The following IQCH variants were observed in gnomAD, a reference collection of about 807,000 sequenced individuals.
IQCH encodes the protein IQ domain-containing protein H.
IQCH carries 98 observed loss-of-function variants against 117.0 expected under a neutral mutation model. The ratio of observed to expected loss-of-function variants is 0.84; its 90% CI spans 0.71 to 0.99. The LOEUF (loss-of-function observed/expected upper bound fraction) is 0.99, where lower values mean the gene tolerates loss of function less well. Among genes scored for constraint, IQCH ranks in the 50% least tolerant of loss-of-function variants. The probability of loss-of-function intolerance (pLI) is 0.00; values close to 1 mark genes in which losing one functional copy is unlikely to be tolerated. For synonymous variants in IQCH, 412 were observed against 448.2 expected (o/e 0.92, Z 1.02); for missense variants, 1,102 against 1,243.8 (o/e 0.89, Z 1.72).
intron 13 of IQCH, among the ~76,000 whole-genome samples, chr15:67,399,273 A>G (rs1024199694): frequency 5.3e-5 from 8 of 152,234 alleles, no homozygotes; most frequent in Non-Finnish European, 1.0e-4. Context: ...AAAGAAAACT[A>G]GTAATTGTGT....
At position 67,431,689 on chromosome 15, in the gene IQCH, T is replaced by C. The variant is rs1259470750; in HGVS notation, c.2505+10112T>C. 6.6e-6 allele frequency among the ~76,000 whole-genome samples: 1 copy of C among 152,178 alleles called. No individual in the cohort carries two copies. The highest frequency in any genetic ancestry group is 2.4e-5 in the African/African-American group (1 of 41,434). ...TATTTCACAGGAAATTGAATAGATA[T>C]AAGGTTCATTAATTATCATAGAATT... On this transcript the variant is annotated intron_variant, in intron 16 of 20. Transcript: ENST00000335894. This position sits in a 1 kb window ranked among gnomAD's most constrained non-coding sequence, Gnocchi z 4.8.
Position 67,479,695 on chromosome 15 carries a change from C to A in IQCH, c.2799+3877C>A, listed in dbSNP as rs2083295600. ...TTTACCTAAATTCCAGAGTAACCTG[C>A]TCCCACTCTTGGTTGAATTTAACAT... On this transcript the variant is annotated intron_variant, in intron 18 of 20. Transcript: ENST00000335894. This position sits in a 1 kb window ranked among gnomAD's most constrained non-coding sequence, Gnocchi z 4.6. Among the ~76,000 whole-genome samples, 1 of 152,206 alleles carries A rather than the reference C, an allele frequency of 6.6e-6. No individual in the cohort carries two copies. Among genetic ancestry groups the A allele is most frequent in the Admixed American group, 6.5e-5 (1 of 15,276 alleles).
In IQCH at chr15:67,481,468, G is replaced by C. The variant is rs1046393061; in HGVS notation, c.2799+5650G>C. Among the ~76,000 whole-genome samples the C allele has an allele frequency of 6.6e-6, 1 of 152,176 alleles. No individual in the cohort carries two copies. Among genetic ancestry groups the C allele is most frequent in the Non-Finnish European group, 1.5e-5 (1 of 68,036 alleles). On this transcript the variant is annotated intron_variant, in intron 18 of 20. Coordinates refer to ENST00000335894, the MANE Select transcript of IQCH (RefSeq NM_001031715.3). This position sits in a 1 kb window ranked among gnomAD's most constrained non-coding sequence, Gnocchi z 4.1. ...TAAGGGTAACCACCCCCATGGTTCA[G>C]TTACCTCCCACTGCGTTCCTCCCAT...
chr15:67,375,430 T>A (rs552144850), intron 10 of IQCH, among the ~76,000 whole-genome samples: 2 of 152,104 alleles, frequency 1.3e-5, no homozygotes, highest in East Asian at 3.9e-4. Flanking sequence ...TCTAAAAAAA[T>A]TAATAAAATA....
chr15:67,300,041 A>G (rs1051502532), intron 4 of IQCH, among the ~76,000 whole-genome samples: 4 of 152,174 alleles, frequency 2.6e-5, no homozygotes, highest in South Asian at 2.1e-4. Flanking sequence ...TTATATTTCT[A>G]TCATTCCTTT....
chr15:67,471,279 T>C (rs1226815936), intron 17 of IQCH, among the ~76,000 whole-genome samples: 1 of 96,102 alleles, frequency 1.0e-5, no homozygotes, highest in Non-Finnish European at 2.2e-5. Context: ...TTAATTTCAA[T>C]AGATATTTCC....
rs1969908073 is a variant in IQCH, at chr15:67,356,884, A to C, written c.638-461A>C. Among the ~76,000 whole-genome samples the C allele has an allele frequency of 6.6e-6, 1 of 152,174 alleles. No homozygotes were observed. Among genetic ancestry groups the C allele is most frequent in the African/African-American group, 2.4e-5 (1 of 41,436 alleles). ...AAAAATAATCTTTATGGTGCTTTTCACTTGTGTCACTTCCCTCAGTCATTT... is the reference window on the plus strand; with the variant it reads ...AAAAATAATCTTTATGGTGCTTTTCCCTTGTGTCACTTCCCTCAGTCATTT... On this transcript the variant is annotated intron_variant, in intron 6 of 20. Transcript: ENST00000335894. This position sits in a 1 kb window ranked among gnomAD's most constrained non-coding sequence, Gnocchi z 5.3.
In IQCH at chr15:67,356,265, T is replaced by C. The variant is rs1316337533; in HGVS notation, c.638-1080T>C. 6.6e-6 allele frequency among the ~76,000 whole-genome samples: 1 copy of C among 152,078 alleles called. No homozygotes were observed. Among genetic ancestry groups the C allele is most frequent in the Non-Finnish European group, 1.5e-5 (1 of 68,024 alleles). On this transcript the variant is annotated intron_variant, in intron 6 of 20. Transcript: ENST00000335894. The surrounding 1 kb of genome is among the most constrained non-coding windows in gnomAD (Gnocchi z 5.3). The stretch of plus-strand genomic sequence containing the variant: ...TCATACACTACTGGCCAGGGGATAG[T>C]GAGGACTACAAGTCACAGGGAAGCT...
chr15:67,413,639 ATAAAT>A lies in IQCH; in HGVS notation c.2098-3287_2098-3283del, dbSNP rs2081504431. The A allele has an allele frequency of 6.6e-6, 1 of 152,314 alleles. No individual in the cohort carries two copies. Among genetic ancestry groups the A allele is most frequent in the Admixed American group, 6.5e-5 (1 of 15,298 alleles). The allele number at this position is 152,314 out of a possible 1,614,324, so 9.4% of individuals were successfully genotyped here. On this transcript the variant is annotated intron_variant, in intron 14 of 20. Transcript: ENST00000335894. This position sits in a 1 kb window ranked among gnomAD's most constrained non-coding sequence, Gnocchi z 5.0. ...CATCAGACACTTTCAAAATAAAGAA[ATAAAT>A]TAAACAGTTAATACCCCTCTCCTCT...
chr15:67,442,869 C>T (rs199903640), intron 16 of IQCH, among the ~76,000 whole-genome samples: 3,083 of 129,972 alleles, frequency 0.024, 48 homozygotes, highest in East Asian at 0.047. Context: ...GATAGATATA[C>T]ATATATATAT....
chr15:67,366,043 A>C lies in IQCH; in HGVS notation c.754-6068A>C, dbSNP rs1423221620. Among the ~76,000 whole-genome samples, 2 of 152,228 alleles carry C rather than the reference A, an allele frequency of 1.3e-5. No homozygotes were observed. The highest frequency in any genetic ancestry group is 4.8e-5 in the African/African-American group (2 of 41,466). On this transcript the variant is annotated intron_variant, in intron 8 of 20. Transcript: ENST00000335894. This position sits in a 1 kb window ranked among gnomAD's most constrained non-coding sequence, Gnocchi z 4.4. Reference sequence around the variant, plus strand: ...GGATCAAGGAACGTACTAGATCCACATTTTTCTCAGGAAACATGGAATGTC... The same window carrying C: ...GGATCAAGGAACGTACTAGATCCACCTTTTTCTCAGGAAACATGGAATGTC...
In IQCH at chr15:67,465,225, C is replaced by G. The variant is rs747743388; in HGVS notation, c.2604C>G (p.Ser868Arg). 6.2e-7 allele frequency: 1 copy of G among 1,614,116 alleles called. No individual in the cohort carries two copies. The highest frequency in any genetic ancestry group is 2.2e-5 in the East Asian group (1 of 44,878). Residue 868 changes from serine to arginine, a missense_variant, in exon 17 of 21, where the codon AGC becomes AGG. Physicochemically the swap from Ser to Arg is moderately radical, Grantham distance 110 (BLOSUM62 -1). This residue lies in a region of IQCH where 650 missense variants were observed against 794.3 expected (regional missense o/e 0.82). Coordinates refer to ENST00000335894, the MANE Select transcript of IQCH (RefSeq NM_001031715.3). The surrounding 1 kb of genome is among the most constrained non-coding windows in gnomAD (Gnocchi z 5.9). ...ACGGCCATCTGGATTGCAGTTTGAG[C>G]ACCCTGGAAGTGCCCCGCTTTGTTC... ...LTNGHLDCSL[S>R]TLEVPRFVPK...
Position 67,407,443 on chromosome 15 carries a change from A to G in IQCH, c.2097+7138A>G, listed in dbSNP as rs1388943022. 6.6e-6 allele frequency: 1 copy of G among 152,164 alleles called. No homozygotes were observed. The highest frequency in any genetic ancestry group is 2.4e-5 in the African/African-American group (1 of 41,426). The allele number at this position is 152,164 out of a possible 1,614,324, so 9.4% of individuals were successfully genotyped here. ...TTCTTCCAGTTCAGTGGTTATTTTCATGAAGCTGCCAGGGTTGAGTTTGAG... is the reference window on the plus strand; with the variant it reads ...TTCTTCCAGTTCAGTGGTTATTTTCGTGAAGCTGCCAGGGTTGAGTTTGAG... On this transcript the variant is annotated intron_variant, in intron 14 of 20. Transcript: ENST00000335894. The surrounding 1 kb of genome is among the most constrained non-coding windows in gnomAD (Gnocchi z 5.3).
chr15:67,355,199 GTTAAAA>G (rs934754064), intron 6 of IQCH, among the ~76,000 whole-genome samples: 77 of 152,242 alleles, frequency 5.1e-4, no homozygotes, highest in African/African-American at 1.8e-3. Flanking sequence ...TTTATCTTAA[GTTAAAA>G]TTTAACTGCA....
At chr15:67,312,099 T>C (rs1211063052) in intron 4 of IQCH, among the ~76,000 whole-genome samples, 2 of 152,164 alleles carry the variant, frequency 1.3e-5, no homozygotes, top group Non-Finnish European at 2.9e-5. Flanking sequence ...TACTGAGAGA[T>C]AGTGTTTCTA....
At chr15:67,477,393 G>C (rs1351036816) in intron 18 of IQCH, among the ~76,000 whole-genome samples, 1 of 152,062 alleles carries the variant, frequency 6.6e-6, no homozygotes, top group Non-Finnish European at 1.5e-5. Flanking sequence ...TCAGCACGAG[G>C]CCAAATGAAT....
Position 67,404,013 on chromosome 15 carries a change from G to A in IQCH, c.2097+3708G>A, listed in dbSNP as rs1049491428. 1 of 152,194 alleles carries A rather than the reference G, an allele frequency of 6.6e-6. No individual in the cohort carries two copies. Among genetic ancestry groups the A allele is most frequent in the African/African-American group, 2.4e-5 (1 of 41,440 alleles). 9.4% of individuals were successfully genotyped at this position (152,194 alleles called of 1,614,324 possible). ...TGGCATTACTATTTTACCACTTAAT[G>A]AGAAATAGGAAATTGAACTGGCTCT... On this transcript the variant is annotated intron_variant, in intron 14 of 20. Coordinates refer to ENST00000335894, the MANE Select transcript of IQCH (RefSeq NM_001031715.3). This position sits in a 1 kb window ranked among gnomAD's most constrained non-coding sequence, Gnocchi z 4.6.
At chr15:67,278,452 T>A (rs1027333950) in intron 3 of IQCH, among the ~76,000 whole-genome samples, 4 of 152,208 alleles carry the variant, frequency 2.6e-5, no homozygotes, top group African/African-American at 9.6e-5. Context: ...AGCGTTCTTG[T>A]CAGTGTAGGT....
At chr15:67,380,082 C>A (rs1970874440) in intron 10 of IQCH, among the ~76,000 whole-genome samples, 1 of 152,170 alleles carries the variant, frequency 6.6e-6, no homozygotes, top group South Asian at 2.1e-4. Flanking sequence ...GAACTCCCAA[C>A]CTCAGTTAAT....
Sources: gnomAD v4.1 joint callset for allele counts (sites outside exome capture counted in the v4.1 genomes callset) on GRCh38, gnomAD v4.1.1 for gene constraint, gnomAD v4.1.1 regional missense constraint, Gnocchi (gnomAD v3.1) non-coding constraint, MANE v1.5 for transcripts, NCBI Gene and HGNC (gene_info 2026-07-23, HGNC 2026-07-21) for gene names.